The following NR2C2 variants were observed in gnomAD, a reference collection of about 807,000 sequenced individuals.
NR2C2 encodes nuclear receptor subfamily 2 group C member 2, also known as Nuclear hormone receptor TR4.
In NR2C2, 6 loss-of-function variants were observed where a neutral mutation model predicts 62.9. That is an observed-to-expected ratio of 0.10 (90% CI 0.05 to 0.19). NR2C2 has a LOEUF of 0.19. NR2C2 is among the 10% of genes least tolerant of loss of function. NR2C2 has a pLI of 1.00. For synonymous variants in NR2C2, 272 were observed against 273.8 expected, an observed-to-expected ratio of 0.99 and a Z score of 0.07; for missense variants, 479 against 762.7, an observed-to-expected ratio of 0.63 and a Z score of 4.38.
intron 1 of NR2C2, among the ~76,000 whole-genome samples, chr3:14,952,704 C>T (rs2039402512): frequency 6.6e-6 from 1 of 152,130 alleles, no homozygotes; most frequent in South Asian, 2.1e-4. Flanking sequence ...CTTCCTTATT[C>T]GTTGGAGGTT....
chr3:15,031,972 G>A (rs1337974597), intron 9 of NR2C2, among the ~76,000 whole-genome samples: 1 of 151,820 alleles, frequency 6.6e-6, no homozygotes, highest in African/African-American at 2.4e-5. Flanking sequence ...CAGGTGATCT[G>A]CCTGCCTCAG....
intron 1 of NR2C2, 41 bp from the exon 2 acceptor site, chr3:15,003,835 T>C (rs1006960906): frequency 9.9e-5 from 137 of 1,386,640 alleles, no homozygotes; most frequent in Non-Finnish European, 7.6e-5. Flanking sequence ...CTGGGCATCA[T>C]TCTGAACCCC....
intron 1 of NR2C2, chr3:14,959,317 C>G (rs1015106565): frequency 1.3e-5 from 2 of 152,112 alleles, no homozygotes; most frequent in Non-Finnish European, 2.9e-5. Context: ...ATTGTGATAT[C>G]CTGGAAGAAA....
chr3:15,044,101 G>C lies in NR2C2; in HGVS notation c.*1093G>C, dbSNP rs543164500. 6.6e-6 allele frequency: 1 copy of C among 152,226 alleles called. No individual in the cohort carries two copies. The highest frequency in any genetic ancestry group is 1.5e-5 in the Non-Finnish European group (1 of 68,096). 9.4% of individuals were successfully genotyped at this position (152,226 alleles called of 1,614,324 possible). On this transcript the variant is annotated 3_prime_UTR_variant, in exon 14 of 14. Coordinates refer to ENST00000425241, the MANE Select transcript of NR2C2 (RefSeq NM_001291694.2). ...CCCCTTGAAAAGGGCTCGTGTTTCT[G>C]CAGCTCCATCATAACTGTGAGGCTG...
intron 1 of NR2C2, among the ~76,000 whole-genome samples, chr3:14,955,131 G>T (rs370599303): frequency 1.6e-4 from 24 of 152,106 alleles, no homozygotes; most frequent in African/African-American, 5.3e-4. Flanking sequence ...GAGCCTGGCT[G>T]GTTTGTGCCC....
chr3:15,004,439 T>G (rs1011825598), intron 2 of NR2C2: 1 of 957,074 alleles, frequency 1.0e-6, no homozygotes, highest in Non-Finnish European at 1.5e-6. Context: ...GCTTATAAAG[T>G]GCTTAGAATG....
At chr3:15,032,179 C>G (rs1252507781) in intron 9 of NR2C2, among the ~76,000 whole-genome samples, 200 bp from the exon 10 acceptor site, 2 of 152,174 alleles carry the variant, frequency 1.3e-5, no homozygotes, top group African/African-American at 4.8e-5. Flanking sequence ...GGACCACATT[C>G]CAAGGCCCAT....
At chr3:15,037,052 G>GCCT (rs2125081386) in intron 11 of NR2C2, among the ~76,000 whole-genome samples, 1 of 152,044 alleles carries the variant, frequency 6.6e-6, no homozygotes, top group East Asian at 1.9e-4. Flanking sequence ...AACCTGGGAG[G>GCCT]CGGAGGCTGC....
chr3:14,966,460 TC>T (rs980391980), intron 1 of NR2C2, among the ~76,000 whole-genome samples: 4 of 152,214 alleles, frequency 2.6e-5, no homozygotes, highest in African/African-American at 4.8e-5. Context: ...GGTGGCGCCT[TC>T]CTGTGGTCTC....
chr3:15,019,016 TAA>T (rs35022020), intron 4 of NR2C2, among the ~76,000 whole-genome samples: 257 of 76,484 alleles, frequency 3.4e-3, no homozygotes, highest in African/African-American at 0.014. Context: ...ACTCTTGTCT[TAA>T]AAAAAAAAAA....
intron 1 of NR2C2, among the ~76,000 whole-genome samples, chr3:14,983,426 C>G (rs1424362243): frequency 6.6e-6 from 1 of 151,220 alleles, no homozygotes; most frequent in Non-Finnish European, 1.5e-5. Flanking sequence ...TGCAGTTAAT[C>G]TCAACTTGAT....
At chr3:15,014,784 G>C (rs1266691206) in intron 3 of NR2C2, among the ~76,000 whole-genome samples, 1 of 152,170 alleles carries the variant, frequency 6.6e-6, no homozygotes, top group African/African-American at 2.4e-5. Flanking sequence ...GTTGTAGCAT[G>C]TGTCAGAATT....
rs2042317319 is a variant in NR2C2, at chr3:15,042,831, T to C, written c.1617-3T>C. The C allele has an allele frequency of 3.1e-6, 5 of 1,613,272 alleles. No homozygotes were observed. Among genetic ancestry groups the C allele is most frequent in the African/African-American group, 1.3e-5 (1 of 74,914 alleles). On this transcript the variant is annotated splice_region_variant and splice_polypyrimidine_tract_variant and intron_variant, in intron 13 of 13. Transcript: ENST00000425241. Reference sequence around the variant, plus strand: ...CCTTTTCTAATGACACTCCCTTTTATAGATTGGCCCGGATCCTCGTTCGCC... The same window carrying C: ...CCTTTTCTAATGACACTCCCTTTTACAGATTGGCCCGGATCCTCGTTCGCC...
In NR2C2 at chr3:15,013,861, T is replaced by G; in HGVS notation, c.273+72T>G. On this transcript the variant is annotated intron_variant, in intron 3 of 13. Transcript: ENST00000425241. ...CTTGTTCCTGACTTGTTCTTACATCTGCCTTCGAGGCCAAATCCATCCCTG... is the reference window on the plus strand; with the variant it reads ...CTTGTTCCTGACTTGTTCTTACATCGGCCTTCGAGGCCAAATCCATCCCTG... 5 of 1,511,396 alleles carry G rather than the reference T, an allele frequency of 3.3e-6. No homozygotes were observed. The South Asian group carries it at 4.6e-5, about 14-fold the overall frequency. 93.6% of individuals were successfully genotyped at this position (1,511,396 alleles called of 1,614,324 possible).
chr3:14,954,610 A>G (rs1471929568), intron 1 of NR2C2, among the ~76,000 whole-genome samples: 2 of 152,254 alleles, frequency 1.3e-5, no homozygotes, highest in African/African-American at 4.8e-5. Context: ...GAAGCCAGAC[A>G]TACCAAAAAG....
At chr3:14,980,576 A>G (rs1338262266) in intron 1 of NR2C2, among the ~76,000 whole-genome samples, 1 of 152,234 alleles carries the variant, frequency 6.6e-6, no homozygotes. Flanking sequence ...CCACATGGAA[A>G]AATGGGGCTT....
At chr3:14,999,309 T>A (rs1013056448) in intron 1 of NR2C2, among the ~76,000 whole-genome samples, 2 of 152,140 alleles carry the variant, frequency 1.3e-5, no homozygotes, top group Non-Finnish European at 2.9e-5. Flanking sequence ...AGAGTGAAAC[T>A]CCGTCTCAAA....
At chr3:15,016,368 T>A in intron 4 of NR2C2, 114 bp downstream of exon 4, 1 of 696,200 alleles carries the variant, frequency 1.4e-6, no homozygotes, top group Non-Finnish European at 2.5e-6. Context: ...GTTTGTAGGT[T>A]TCACATGTGA....
chr3:15,038,456 C>T (rs2042163590), intron 12 of NR2C2: 2 of 213,322 alleles, frequency 9.4e-6, no homozygotes, highest in African/African-American at 2.3e-5. Flanking sequence ...TCTTTTTTTT[C>T]CGGCCCTTTG....
Sources: allele counts gnomAD v4.1 joint callset (sites outside exome capture counted in the v4.1 genomes callset), GRCh38; gene constraint gnomAD v4.1.1; transcripts MANE v1.5; gene names NCBI Gene and HGNC (gene_info 2026-07-23, HGNC 2026-07-21).